ENTHD1: variants seen among roughly 807,000 people sequenced by gnomAD.
ENTHD1 encodes ENTH domain-containing protein 1.
In ENTHD1, 23 loss-of-function variants were observed where a neutral mutation model predicts 39.1. That is an observed-to-expected ratio of 0.59 (90% CI 0.42 to 0.83). ENTHD1 has a LOEUF of 0.83. Among genes scored for constraint, ENTHD1 ranks in the 40% least tolerant of loss-of-function variants. The probability of loss-of-function intolerance (pLI) is 0.00; values close to 1 mark genes in which losing one functional copy is unlikely to be tolerated. For missense variants in ENTHD1, 624 were observed against 705.4 expected (o/e 0.88, Z 1.31); for synonymous variants, 230 against 258.2 (o/e 0.89, Z 1.05).
chr22:39,882,497 G>A (rs923264972), intron 2 of ENTHD1, among the ~76,000 whole-genome samples: 1 of 152,188 alleles, frequency 6.6e-6, no homozygotes, highest in Non-Finnish European at 1.5e-5. Flanking sequence ...CTACATTGAA[G>A]ATTAGGGAAA....
At chr22:39,820,961 T>C in intron 5 of ENTHD1, 32 bp downstream of exon 5, 1 of 1,611,360 alleles carries the variant, frequency 6.2e-7, no homozygotes, top group Admixed American at 1.7e-5. Context: ...TAAAATCTGA[T>C]AAGTAAACTT....
chr22:39,889,315 GA>G (rs1483275519), intron 1 of ENTHD1, among the ~76,000 whole-genome samples: 1 of 152,096 alleles, frequency 6.6e-6, no homozygotes, highest in East Asian at 1.9e-4. Flanking sequence ...ACTTAAAAGG[GA>G]AATGCAGCCC....
intron 5 of ENTHD1, among the ~76,000 whole-genome samples, chr22:39,794,298 A>G (rs1323150962): frequency 6.6e-6 from 1 of 152,126 alleles, no homozygotes; most frequent in African/African-American, 2.4e-5. Context: ...TGATTTTTGT[A>G]TGTTGATTTT....
At chr22:39,884,856 G>C (rs938132129) in intron 2 of ENTHD1, among the ~76,000 whole-genome samples, 3 of 152,110 alleles carry the variant, frequency 2.0e-5, no homozygotes, top group African/African-American at 7.2e-5. Flanking sequence ...ATTCAAAAAG[G>C]ACCCAGGATC....
chr22:39,841,544 G>A (rs1238728035), intron 3 of ENTHD1, among the ~76,000 whole-genome samples: 1 of 151,572 alleles, frequency 6.6e-6, no homozygotes, highest in African/African-American at 2.4e-5. Context: ...TTTTATCAGA[G>A]ACTAGGATTG....
intron 4 of ENTHD1, among the ~76,000 whole-genome samples, chr22:39,826,372 A>G (rs1019332926): frequency 2.0e-5 from 3 of 151,484 alleles, no homozygotes; most frequent in African/African-American, 4.8e-5. Flanking sequence ...TTTTTTTTCA[A>G]AGAACTGGCT....
Position 39,821,118 on chromosome 22 carries a change from C to T in ENTHD1, c.712-5G>A. The T allele has an allele frequency of 6.2e-7, 1 of 1,613,488 alleles. No individual in the cohort carries two copies. Among genetic ancestry groups the T allele is most frequent in the Non-Finnish European group, 8.5e-7 (1 of 1,179,696 alleles). Reference sequence around the variant, plus strand: ...ATCCAAAAATGTCATCAGGTCCTGACAGAAAACACAAGAACATGAGAATTG... The same window carrying T: ...ATCCAAAAATGTCATCAGGTCCTGATAGAAAACACAAGAACATGAGAATTG... On this transcript the variant is annotated splice_region_variant and splice_polypyrimidine_tract_variant and intron_variant, in intron 4 of 6. Transcript: ENST00000325157.
At chr22:39,777,740 G>A (rs2065377062) in intron 5 of ENTHD1, among the ~76,000 whole-genome samples, 1 of 152,148 alleles carries the variant, frequency 6.6e-6, no homozygotes. Flanking sequence ...AACAGGTAGA[G>A]GGTGCTCATT....
At chr22:39,785,134 G>T (rs955942497) in intron 5 of ENTHD1, among the ~76,000 whole-genome samples, 2 of 152,112 alleles carry the variant, frequency 1.3e-5, no homozygotes, top group Non-Finnish European at 2.9e-5. Flanking sequence ...TGAACTGAAA[G>T]ATGCAAAGAA....
intron 2 of ENTHD1, chr22:39,876,187 T>A (rs2066288031): frequency 6.9e-7 from 1 of 1,451,938 alleles, no homozygotes; most frequent in Admixed American, 2.5e-5. Flanking sequence ...AGAGGAAGCC[T>A]TCTGTACTTG....
chr22:39,787,943 C>T (rs2065472979), intron 5 of ENTHD1, among the ~76,000 whole-genome samples: 1 of 152,182 alleles, frequency 6.6e-6, no homozygotes, highest in East Asian at 1.9e-4. Context: ...AAGCCAATTG[C>T]TCCTTTCCCA....
intron 4 of ENTHD1, among the ~76,000 whole-genome samples, chr22:39,825,237 G>A (rs2146656999): frequency 6.6e-6 from 1 of 152,230 alleles, no homozygotes; most frequent in Non-Finnish European, 1.5e-5. Context: ...TTATACCTAA[G>A]TATTTCAAAT....
intron 3 of ENTHD1, among the ~76,000 whole-genome samples, chr22:39,860,144 T>C (rs184007308): frequency 9.9e-5 from 15 of 152,278 alleles, no homozygotes; most frequent in African/African-American, 2.9e-4. Context: ...AGTTCCATGA[T>C]AAAAGAAAAC....
chr22:39,820,961 T>G, intron 5 of ENTHD1, 32 bp downstream of exon 5: 1 of 1,611,360 alleles, frequency 6.2e-7, no homozygotes, highest in Non-Finnish European at 8.5e-7. Context: ...TAAAATCTGA[T>G]AAGTAAACTT....
chr22:39,761,920 T>C (rs977224641), intron 6 of ENTHD1, among the ~76,000 whole-genome samples: 13 of 152,224 alleles, frequency 8.5e-5, no homozygotes, highest in Non-Finnish European at 1.8e-4. Flanking sequence ...AGGGTCAGTT[T>C]CTACTGACTC....
At chr22:39,799,551 G>A (rs1289074405) in intron 5 of ENTHD1, among the ~76,000 whole-genome samples, 1 of 152,136 alleles carries the variant, frequency 6.6e-6, no homozygotes, top group African/African-American at 2.4e-5. Context: ...CCTGCACGCA[G>A]GTTTTCCACC....
At position 39,831,216 on chromosome 22, in the gene ENTHD1, A is replaced by G. The variant is rs184861962; in HGVS notation, c.711+4624T>C. On this transcript the variant is annotated intron_variant, in intron 4 of 6. Transcript: ENST00000325157. ...TGGCTTCTAAAAGTATTAGACTCGG[A>G]TAGGTGAGAGAACACAAACCTCTCT... 5.5e-3 allele frequency among the ~76,000 whole-genome samples: 831 copies of G among 152,310 alleles called. 8 individuals are homozygous for G. Among genetic ancestry groups the G allele is most frequent in the Middle Eastern group, 0.02 (6 of 294 alleles).
At chr22:39,835,012 A>T (rs1052144331) in intron 4 of ENTHD1, among the ~76,000 whole-genome samples, 24 of 152,164 alleles carry the variant, frequency 1.6e-4, no homozygotes, top group Non-Finnish European at 8.8e-5. Flanking sequence ...TGGTGATGGA[A>T]CAGTTCTATC....
intron 5 of ENTHD1, among the ~76,000 whole-genome samples, chr22:39,798,493 C>A (rs1324627114): frequency 6.6e-6 from 1 of 152,152 alleles, no homozygotes; most frequent in East Asian, 1.9e-4. Context: ...CATATTATTT[C>A]TTTGGCTATA....
Sources: gnomAD v4.1 joint callset for allele counts (sites outside exome capture counted in the v4.1 genomes callset) on GRCh38, gnomAD v4.1.1 for gene constraint, MANE v1.5 for transcripts, NCBI Gene and HGNC (gene_info 2026-07-23, HGNC 2026-07-21) for gene names.